Variants in PIK3C3 observed in about 807,000 individuals in gnomAD.
PIK3C3 encodes the protein phosphatidylinositol 3-kinase catalytic subunit type 3.
Under a neutral mutation model 126.1 loss-of-function variants are expected in PIK3C3, and 95 were observed. That is an observed-to-expected ratio of 0.75 (90% CI 0.64 to 0.89). The LOEUF is 0.89. PIK3C3 is among the 40% of genes least tolerant of loss of function. The pLI is 0.00. For missense variants in PIK3C3, 829 were observed against 1,063.2 expected, an observed-to-expected ratio of 0.78 and a Z score of 3.06; for synonymous variants, 374 against 360.0, an observed-to-expected ratio of 1.04 and a Z score of -0.44.
intron 24 of PIK3C3, among the ~76,000 whole-genome samples, chr18:42,076,244 TACACATAC>T (rs1272797323): frequency 1.4e-5 from 2 of 147,940 alleles, no homozygotes; most frequent in African/African-American, 2.5e-5. Context: ...TACATATTCA[TACACATAC>T]ACACATACAT....
At chr18:42,020,102 A>T (rs984696776) in intron 12 of PIK3C3, among the ~76,000 whole-genome samples, 4 of 152,046 alleles carry the variant, frequency 2.6e-5, no homozygotes, top group Non-Finnish European at 5.9e-5. Context: ...AAATCACATC[A>T]TCTCACTCTC....
At chr18:42,060,778 A>G (rs549742508) in intron 22 of PIK3C3, among the ~76,000 whole-genome samples, 2 of 152,268 alleles carry the variant, frequency 1.3e-5, no homozygotes, top group African/African-American at 4.8e-5. Flanking sequence ...CTCTGTCTCA[A>G]AAAAAGAAAA....
At chr18:42,072,199 A>G (rs554954888) in intron 24 of PIK3C3, among the ~76,000 whole-genome samples, 2 of 152,262 alleles carry the variant, frequency 1.3e-5, no homozygotes, top group African/African-American at 2.4e-5. Flanking sequence ...ATTTATGGTA[A>G]TTTTAGTACA....
chr18:42,070,852 A>G (rs919885157), intron 24 of PIK3C3, among the ~76,000 whole-genome samples: 2 of 152,208 alleles, frequency 1.3e-5, no homozygotes, highest in African/African-American at 2.4e-5. Flanking sequence ...CATAGAGAAA[A>G]TAAAATATGA....
chr18:42,043,107 T>C (rs1048328114), intron 19 of PIK3C3, among the ~76,000 whole-genome samples: 1 of 152,022 alleles, frequency 6.6e-6, no homozygotes, highest in Non-Finnish European at 1.5e-5. Flanking sequence ...AAACTTTTTT[T>C]TTTTTTTTGT....
At position 42,084,436 on chromosome 18, in the gene PIK3C3, A is replaced by T. The variant is rs1292421618; in HGVS notation, c.*3299A>T. On this transcript the variant is annotated 3_prime_UTR_variant, in exon 25 of 25. Coordinates refer to ENST00000262039, the MANE Select transcript of PIK3C3 (RefSeq NM_002647.4). ...ATAATTATATACAGAAAATATACTG[A>T]TTTGCCAAAATGAGTAATTTTGATA... 1.3e-5 allele frequency: 2 copies of T among 152,236 alleles called. No homozygotes were observed. The highest frequency in any genetic ancestry group is 2.9e-5 in the Non-Finnish European group (2 of 68,008). 9.4% of individuals were successfully genotyped at this position (152,236 alleles called of 1,614,324 possible). A position where few individuals can be genotyped will look rare whatever the true frequency, so the allele number is the denominator to read the frequency against.
At chr18:42,041,850 A>T (rs1290361847) in intron 19 of PIK3C3, among the ~76,000 whole-genome samples, 1 of 152,198 alleles carries the variant, frequency 6.6e-6, no homozygotes, top group Non-Finnish European at 1.5e-5. Flanking sequence ...TAGGACATCA[A>T]ACTGCCTGGG....
intron 4 of PIK3C3, among the ~76,000 whole-genome samples, chr18:41,983,727 C>T (rs1375433044): frequency 6.6e-6 from 1 of 152,096 alleles, no homozygotes; most frequent in Non-Finnish European, 1.5e-5. Flanking sequence ...GCAAGTTGGC[C>T]TACTTTTGGC....
intron 3 of PIK3C3, among the ~76,000 whole-genome samples, chr18:41,969,755 A>G (rs1177862549): frequency 6.6e-6 from 1 of 152,184 alleles, no homozygotes; most frequent in Non-Finnish European, 1.5e-5. Flanking sequence ...GTATTGATTT[A>G]TTTAATTTTT....
intron 2 of PIK3C3, among the ~76,000 whole-genome samples, chr18:41,959,117 G>C (rs1304324448): frequency 1.3e-5 from 2 of 152,134 alleles, no homozygotes; most frequent in African/African-American, 4.8e-5. Context: ...CAGGGACAGA[G>C]CTCAAAGCTT....
intron 21 of PIK3C3, among the ~76,000 whole-genome samples, chr18:42,054,185 TATATATAA>T (rs1984954008): frequency 1.2e-5 from 1 of 80,596 alleles, no homozygotes; most frequent in African/African-American, 5.2e-5. Flanking sequence ...TATATATATA[TATATATAA>T]AGGGGAATTT....
chr18:42,061,943 GTTAGAA>G (rs1232303303), intron 22 of PIK3C3, among the ~76,000 whole-genome samples: 3 of 151,584 alleles, frequency 2.0e-5, no homozygotes, highest in Non-Finnish European at 4.4e-5. Flanking sequence ...CTGGCTGCCC[GTTAGAA>G]TCACCTGGGG....
At chr18:41,960,888 C>T (rs1040972706) in intron 2 of PIK3C3, among the ~76,000 whole-genome samples, 8 of 151,966 alleles carry the variant, frequency 5.3e-5, no homozygotes, top group South Asian at 2.1e-4. Flanking sequence ...ACTACAGGCG[C>T]GCACCACCAT....
intron 24 of PIK3C3, among the ~76,000 whole-genome samples, chr18:42,077,615 T>G (rs1267307318): frequency 1.3e-5 from 2 of 152,224 alleles, no homozygotes; most frequent in Non-Finnish European, 2.9e-5. Flanking sequence ...CAGGCTCCAC[T>G]TCTAATTCTT....
chr18:41,972,891 T>C (rs1166689516), intron 4 of PIK3C3, among the ~76,000 whole-genome samples: 7 of 152,088 alleles, frequency 4.6e-5, no homozygotes, highest in Non-Finnish European at 8.8e-5. Flanking sequence ...AGAAATGTTT[T>C]AAAAATGATG....
At chr18:41,970,076 T>C (rs1980578563) in intron 3 of PIK3C3, among the ~76,000 whole-genome samples, 1 of 152,192 alleles carries the variant, frequency 6.6e-6, no homozygotes, top group African/African-American at 2.4e-5. Context: ...CTTCTCTCCT[T>C]CCACTCTCTG....
intron 6 of PIK3C3, among the ~76,000 whole-genome samples, chr18:41,991,522 G>T (rs1981777158): frequency 6.6e-6 from 1 of 152,112 alleles, no homozygotes; most frequent in South Asian, 2.1e-4. Flanking sequence ...ATATGACCAA[G>T]CTGATATGCA....
chr18:42,082,286 G>A lies in PIK3C3; in HGVS notation c.*1149G>A, dbSNP rs1986277561. On this transcript the variant is annotated 3_prime_UTR_variant, in exon 25 of 25. Transcript: ENST00000262039. ...AAGATGAAGGTAAAATTGTGGCACA[G>A]TTTCAGAGAATGCCGTTAATGATAA... is the stretch of plus-strand genomic sequence containing the variant. 6.6e-6 allele frequency: 1 copy of A among 152,308 alleles called. No homozygotes were observed. The highest frequency in any genetic ancestry group is 1.9e-4 in the East Asian group (1 of 5,186). The allele number at this position is 152,308 out of a possible 1,614,324, so 9.4% of individuals were successfully genotyped here. A position where few individuals can be genotyped will look rare whatever the true frequency, so the allele number is the denominator to read the frequency against.
At chr18:41,963,916 A>G (rs542015782) in intron 3 of PIK3C3, among the ~76,000 whole-genome samples, 5 of 151,800 alleles carry the variant, frequency 3.3e-5, no homozygotes, top group African/African-American at 1.2e-4. Flanking sequence ...GTTATGTTAC[A>G]AATACTGCTT....
Sources: gnomAD v4.1 joint callset for allele counts (sites outside exome capture counted in the v4.1 genomes callset) on GRCh38, gnomAD v4.1.1 for gene constraint, MANE v1.5 for transcripts, NCBI Gene and HGNC (gene_info 2026-07-23, HGNC 2026-07-21) for gene names.